ARFGEF3: variants seen among roughly 807,000 people sequenced by gnomAD.
ARFGEF3 encodes brefeldin A-inhibited guanine nucleotide-exchange protein 3.
Under a neutral mutation model 221.7 loss-of-function variants are expected in ARFGEF3, and 96 were observed. The ratio of observed to expected loss-of-function variants is 0.43; its 90% CI spans 0.37 to 0.51. The LOEUF is 0.51. Among genes scored for constraint, ARFGEF3 ranks in the 20% least tolerant of loss-of-function variants. The pLI, the probability that ARFGEF3 is intolerant of heterozygous loss-of-function variation, is 0.00. For synonymous variants in ARFGEF3, 1,145 were observed against 1,126.8 expected (o/e 1.02, Z -0.32); for missense variants, 2,410 against 2,789.9 (o/e 0.86, Z 3.07).
rs1562383426 is a variant in ARFGEF3 at position 138,296,798 on chromosome 6, G to A, written c.3503-12G>A. The A allele has an allele frequency of 2.5e-6, 4 of 1,611,614 alleles. No individual in the cohort carries two copies. In the Admixed American group the frequency reaches 6.7e-5, roughly 27 times the overall value. ...TTGGCTTTCTGGCATTTATGTTCTT[G>A]CCTTCCTGTAGGAGAAGTTAAATCC... On this transcript the variant is annotated splice_polypyrimidine_tract_variant and intron_variant, in intron 20 of 33. Coordinates refer to ENST00000251691, the MANE Select transcript of ARFGEF3 (RefSeq NM_020340.5).
At chr6:138,226,339 AT>A (rs1049030216) in intron 4 of ARFGEF3, among the ~76,000 whole-genome samples, 14 of 151,986 alleles carry the variant, frequency 9.2e-5, no homozygotes, top group African/African-American at 3.1e-4. Flanking sequence ...TCTAATTCTA[AT>A]TTTTTTTCCC....
intron 10 of ARFGEF3, among the ~76,000 whole-genome samples, chr6:138,256,708 C>A (rs1778688697): frequency 6.6e-6 from 1 of 152,028 alleles, no homozygotes; most frequent in African/African-American, 2.4e-5. Context: ...CTTTTTCTTG[C>A]CTACTATATG....
At chr6:138,204,113 C>T (rs1171569828) in intron 2 of ARFGEF3, among the ~76,000 whole-genome samples, 7 of 151,578 alleles carry the variant, frequency 4.6e-5, no homozygotes, top group South Asian at 2.1e-4. Flanking sequence ...CCAAGGTGGG[C>T]GGATCACCTG....
chr6:138,270,638 GCAGTAGTACA>G (rs1562374846), intron 12 of ARFGEF3, among the ~76,000 whole-genome samples: 1 of 152,206 alleles, frequency 6.6e-6, no homozygotes, highest in East Asian at 1.9e-4. Context: ...CAGATTAAAT[GCAGTAGTACA>G]GTAGGTGAAA....
Position 138,291,671 on chromosome 6 carries a change from G to A in ARFGEF3, c.3048-62G>A. ...CATTTCCTTTGTCTGGCACTGTGGGGTTTATGGAGCTGCCGGGGTGAGCTG... is the reference window on the plus strand; with the variant it reads ...CATTTCCTTTGTCTGGCACTGTGGGATTTATGGAGCTGCCGGGGTGAGCTG... On this transcript the variant is annotated intron_variant, in intron 18 of 33. Coordinates refer to ENST00000251691, the MANE Select transcript of ARFGEF3 (RefSeq NM_020340.5). The surrounding 1 kb of genome is among the most constrained non-coding windows in gnomAD (Gnocchi z 4.5). 1 of 1,212,964 alleles carries A rather than the reference G, an allele frequency of 8.2e-7. No homozygotes were observed. Among genetic ancestry groups the A allele is most frequent in the Non-Finnish European group, 1.1e-6 (1 of 939,070 alleles). 75.1% of individuals were successfully genotyped at this position (1,212,964 alleles called of 1,614,324 possible).
At chr6:138,202,341 C>A (rs541889391) in intron 2 of ARFGEF3, among the ~76,000 whole-genome samples, 3 of 152,140 alleles carry the variant, frequency 2.0e-5, no homozygotes, top group South Asian at 4.2e-4. Flanking sequence ...AATTAACAGG[C>A]CTGTTTTCTC....
chr6:138,194,950 A>G (rs1376009798), intron 2 of ARFGEF3, among the ~76,000 whole-genome samples: 5 of 142,588 alleles, frequency 3.5e-5, no homozygotes, highest in African/African-American at 1.3e-4. Context: ...GAGCATGTGC[A>G]TGTACTTGTA....
At position 138,292,054 on chromosome 6, in the gene ARFGEF3, G is replaced by T; in HGVS notation, c.3368+1G>T. 1 of 1,423,210 alleles carries T rather than the reference G, an allele frequency of 7.0e-7. No individual in the cohort carries two copies. The highest frequency in any genetic ancestry group is 9.2e-7 in the Non-Finnish European group (1 of 1,091,402). 88.2% of individuals were successfully genotyped at this position (1,423,210 alleles called of 1,614,324 possible). On this transcript the variant is annotated splice_donor_variant, in intron 19 of 33. Transcript: ENST00000251691. LOFTEE classifies it high-confidence loss of function. ...TCACCCTCTCCACGCAAGCCGACAG[G>T]TGCGCGGCGCCGGCCTCCCACGCCC...
At chr6:138,234,919 A>G (rs1294932280) in intron 5 of ARFGEF3, among the ~76,000 whole-genome samples, 2 of 152,208 alleles carry the variant, frequency 1.3e-5, no homozygotes, top group Non-Finnish European at 2.9e-5. Context: ...GCACAGTTCA[A>G]CAAAGTGAAG....
intron 2 of ARFGEF3, among the ~76,000 whole-genome samples, chr6:138,189,182 G>A (rs1355231521): frequency 6.6e-6 from 1 of 152,096 alleles, no homozygotes; most frequent in Non-Finnish European, 1.5e-5. Context: ...CTGACCTAGG[G>A]AAACACCTGT....
At chr6:138,212,541 A>T (rs1230853128) in intron 4 of ARFGEF3, among the ~76,000 whole-genome samples, 2 of 152,234 alleles carry the variant, frequency 1.3e-5, no homozygotes, top group Admixed American at 1.3e-4. Flanking sequence ...TACCCAAAGG[A>T]TTATAAATCA....
At position 138,341,204 on chromosome 6, in the gene ARFGEF3, TCTTTA is replaced by T. The variant is rs1780425195; in HGVS notation, c.*4722_*4726del. On this transcript the variant is annotated 3_prime_UTR_variant, in exon 34 of 34. Transcript: ENST00000251691. ...AAAGTGCCCTGTAGCCAACAGTGCC[TCTTTA>T]CTTGCTTCTCTGGGAAATACATGGT... The T allele has an allele frequency of 1.3e-5, 2 of 153,840 alleles. No individual in the cohort carries two copies. The highest frequency in any genetic ancestry group is 4.8e-5 in the African/African-American group (2 of 41,482). 9.5% of individuals were successfully genotyped at this position (153,840 alleles called of 1,614,324 possible).
rs141900092 is a variant in ARFGEF3, at chr6:138,226,227, C to T, written c.352-3557C>T. Among the ~76,000 whole-genome samples the T allele has an allele frequency of 5.8e-3, 876 of 152,298 alleles. 9 individuals are homozygous for T. The highest frequency in any genetic ancestry group is 0.039 in the South Asian group (186 of 4,824). On this transcript the variant is annotated intron_variant, in intron 4 of 33. Transcript: ENST00000251691. ...TTCTGTGCTCATCATCATTATCTGT[C>T]CACATCCATCCCTCTCTCATATTAA...
chr6:138,194,062 G>A (rs1273132636), intron 2 of ARFGEF3, among the ~76,000 whole-genome samples: 1 of 152,140 alleles, frequency 6.6e-6, no homozygotes, highest in Non-Finnish European at 1.5e-5. Context: ...GAGGTCAGGA[G>A]TTCGAGACCA....
At chr6:138,192,506 C>T (rs1320703061) in intron 2 of ARFGEF3, among the ~76,000 whole-genome samples, 1 of 149,210 alleles carries the variant, frequency 6.7e-6, no homozygotes, top group Non-Finnish European at 1.5e-5. Context: ...ACTAACCAAA[C>T]AAACTCAGCT....
intron 12 of ARFGEF3, among the ~76,000 whole-genome samples, chr6:138,271,854 C>T (rs1779009155): frequency 6.6e-6 from 1 of 152,156 alleles, no homozygotes; most frequent in Non-Finnish European, 1.5e-5. Context: ...TCAATTTCTC[C>T]TTTTGGTGGA....
At chr6:138,169,034 A>G (rs577180983) in intron 1 of ARFGEF3, among the ~76,000 whole-genome samples, 91 of 152,316 alleles carry the variant, frequency 6.0e-4, no homozygotes, top group African/African-American at 2.0e-3. Flanking sequence ...TCATGATCCT[A>G]TCAGCTCCTC....
At chr6:138,312,990 A>G (rs1407737825) in intron 25 of ARFGEF3, among the ~76,000 whole-genome samples, 2 of 152,162 alleles carry the variant, frequency 1.3e-5, no homozygotes, top group African/African-American at 4.8e-5. Flanking sequence ...GATGACAGGC[A>G]TAACCCACCA....
chr6:138,168,917 A>G (rs1380562743), intron 1 of ARFGEF3, among the ~76,000 whole-genome samples: 1 of 152,182 alleles, frequency 6.6e-6, no homozygotes, highest in Non-Finnish European at 1.5e-5. Flanking sequence ...GTCTGTTCTC[A>G]CCACTGGGTC....
Sources: gnomAD v4.1 joint callset for allele counts (sites outside exome capture counted in the v4.1 genomes callset) on GRCh38, gnomAD v4.1.1 for gene constraint, Gnocchi (gnomAD v3.1) non-coding constraint, MANE v1.5 for transcripts, NCBI Gene and HGNC (gene_info 2026-07-23, HGNC 2026-07-21) for gene names.